The following RGS7 variants were observed in gnomAD, a reference collection of about 807,000 sequenced individuals.
The protein encoded by RGS7 is regulator of G-protein signaling 7.
In RGS7, 27 loss-of-function variants were observed where a neutral mutation model predicts 81.1. The observed-to-expected ratio is 0.33, with a 90% CI of 0.25 to 0.46. RGS7 has a LOEUF of 0.46. Among genes scored for constraint, RGS7 ranks in the 20% least tolerant of loss-of-function variants. The pLI is 1.00. For synonymous variants in RGS7, 208 were observed against 207.7 expected (o/e 1.00, Z -0.01); for missense variants, 396 against 607.4 (o/e 0.65, Z 3.66).
At chr1:241,125,957 G>C (rs1188192725) in intron 2 of RGS7, among the ~76,000 whole-genome samples, 1 of 152,162 alleles carries the variant, frequency 6.6e-6, no homozygotes, top group Non-Finnish European at 1.5e-5. Context: ...CAGAGAGATG[G>C]AAGTTAAGTG....
intron 3 of RGS7, among the ~76,000 whole-genome samples, chr1:241,089,059 CTCTCTATATATATA>C (rs1350145924): frequency 2.3e-4 from 10 of 44,018 alleles, no homozygotes; most frequent in South Asian, 1.5e-3. Flanking sequence ...CTCTCTCTCT[CTCTCTATATATATA>C]TATATATATA....
At chr1:241,088,223 C>T (rs2063595060) in intron 3 of RGS7, among the ~76,000 whole-genome samples, 1 of 151,716 alleles carries the variant, frequency 6.6e-6, no homozygotes, top group South Asian at 2.1e-4. Context: ...GGAAAAGTCA[C>T]CTCTATAACT....
At chr1:241,356,614 A>G (rs2148767453) in intron 1 of RGS7, among the ~76,000 whole-genome samples, 1 of 152,228 alleles carries the variant, frequency 6.6e-6, no homozygotes, top group East Asian at 1.9e-4. Flanking sequence ...AGAGGAGAAA[A>G]CAGGCAAGCC....
intron 2 of RGS7, among the ~76,000 whole-genome samples, chr1:241,210,937 A>G (rs2074208311): frequency 1.3e-5 from 2 of 152,188 alleles, no homozygotes; most frequent in African/African-American, 2.4e-5. Flanking sequence ...TGGTAACCAA[A>G]CTAAATGTCC....
At chr1:241,244,388 C>T (rs1057080936) in intron 2 of RGS7, among the ~76,000 whole-genome samples, 1 of 152,122 alleles carries the variant, frequency 6.6e-6, no homozygotes, top group African/African-American at 2.4e-5. Flanking sequence ...CAGAGAAATG[C>T]AAATCAAAAC....
chr1:241,196,790 G>T (rs2073108304), intron 2 of RGS7, among the ~76,000 whole-genome samples: 1 of 151,920 alleles, frequency 6.6e-6, no homozygotes. Flanking sequence ...ATGGGTAAAT[G>T]AGGCTAAAGT....
intron 2 of RGS7, among the ~76,000 whole-genome samples, chr1:241,245,747 C>T (rs551155926): frequency 1.1e-4 from 17 of 151,804 alleles, no homozygotes; most frequent in African/African-American, 2.9e-4. Flanking sequence ...GCAGAGGTTG[C>T]GGTAAGCTGA....
At chr1:240,802,769 A>C (rs1688230570) in intron 16 of RGS7, 135 bp downstream of exon 16, 6 of 711,832 alleles carry the variant, frequency 8.4e-6, no homozygotes, top group East Asian at 7.5e-5. Context: ...TATAAAATGC[A>C]AAGGTTTGGG....
intron 3 of RGS7, among the ~76,000 whole-genome samples, chr1:241,048,968 G>C (rs901201959): frequency 6.6e-6 from 1 of 152,120 alleles, no homozygotes; most frequent in Admixed American, 6.5e-5. Flanking sequence ...TTGCAGCTGC[G>C]GCACTTCAGT....
At chr1:240,893,491 A>ATT (rs1668578867) in intron 6 of RGS7, among the ~76,000 whole-genome samples, 1 of 152,142 alleles carries the variant, frequency 6.6e-6, no homozygotes, top group African/African-American at 2.4e-5. Context: ...AAAAACAAAT[A>ATT]TTTAACCACA....
In RGS7 at chr1:241,270,942, A is replaced by T. The variant is rs145931323; in HGVS notation, c.78+84757T>A. ...CCCGCTAATTTTTTGTATTTTTAGT[A>T]GAGATGGGGTTTCACCGTGTTAGCC... On this transcript the variant is annotated intron_variant, in intron 2 of 18. Coordinates refer to ENST00000440928, the MANE Select transcript of RGS7 (RefSeq NM_001364886.1). Among the ~76,000 whole-genome samples, 329 of 152,012 alleles carry T rather than the reference A, an allele frequency of 2.2e-3. 3 individuals carry two copies. Among genetic ancestry groups the T allele is most frequent in the African/African-American group, 7.3e-3 (302 of 41,430 alleles).
Position 240,868,019 on chromosome 1 carries a change from GAAAGAAAAGA to G in RGS7, c.609+558_609+567del, listed in dbSNP as rs576605283. Among the ~76,000 whole-genome samples the G allele has an allele frequency of 1.6e-5, 2 of 124,346 alleles. No individual in the cohort carries two copies. Among genetic ancestry groups the G allele is most frequent in the South Asian group, 5.3e-4 (2 of 3,794 alleles). 81.6% of individuals were successfully genotyped at this position (124,346 alleles called of 152,430 possible). ...CCATAAAAAAAGAGAGAGAGAGAAAGAAAGAAAAGAAAAGAAGAGAAAAGAAAGAAAGAAA... is the reference window on the plus strand; with the variant it reads ...CCATAAAAAAAGAGAGAGAGAGAAAGAAAGAAGAGAAAAGAAAGAAAGAAA... On this transcript the variant is annotated intron_variant, in intron 9 of 18. Transcript: ENST00000440928. This position sits in a 1 kb window ranked among gnomAD's most constrained non-coding sequence, Gnocchi z 5.1.
At chr1:241,146,063 A>G (rs2068289635) in intron 2 of RGS7, among the ~76,000 whole-genome samples, 1 of 152,182 alleles carries the variant, frequency 6.6e-6, no homozygotes, top group African/African-American at 2.4e-5. Flanking sequence ...ACCACAGCTC[A>G]GCTCTGTGGA....
At chr1:240,789,841 C>G (rs1387219386) in intron 18 of RGS7, among the ~76,000 whole-genome samples, 1 of 152,116 alleles carries the variant, frequency 6.6e-6, no homozygotes, top group East Asian at 1.9e-4. Context: ...ATCTTATTAC[C>G]TTGTGAAGCA....
Position 240,843,973 on chromosome 1 carries a change from A to G in RGS7, c.610-16801T>C, listed in dbSNP as rs543514575. Among the ~76,000 whole-genome samples, 302 of 152,294 alleles carry G rather than the reference A, an allele frequency of 2.0e-3. 2 individuals carry two copies. The highest frequency in any genetic ancestry group is 7.0e-3 in the African/African-American group (293 of 41,566). ...ATGCTGGTCCCGTCAGGGTTCTGGC[A>G]GACTGAGCCCATGTTGTTAGCTCAG... On this transcript the variant is annotated intron_variant, in intron 9 of 18. Transcript: ENST00000440928.
At chr1:240,972,711 CA>C (rs367714545) in intron 4 of RGS7, among the ~76,000 whole-genome samples, 59,902 of 112,950 alleles carry the variant, frequency 0.53, 12,886 homozygotes, top group South Asian at 0.66. Flanking sequence ...AAAAAAAAAA[CA>C]AAAAAAAAAA....
intron 2 of RGS7, among the ~76,000 whole-genome samples, chr1:241,139,102 T>G (rs1572857832): frequency 6.6e-6 from 1 of 152,258 alleles, no homozygotes; most frequent in Admixed American, 6.5e-5. Context: ...TTTTTTAGGT[T>G]CATCTATGTT....
chr1:241,139,226 C>T (rs1207380547), intron 2 of RGS7, among the ~76,000 whole-genome samples: 1 of 150,512 alleles, frequency 6.6e-6, no homozygotes, highest in Admixed American at 6.6e-5. Flanking sequence ...CTTCCTTCCT[C>T]TCTCCCTCCC....
intron 6 of RGS7, among the ~76,000 whole-genome samples, chr1:240,872,744 C>T (rs1056868543): frequency 6.6e-6 from 1 of 152,136 alleles, no homozygotes; most frequent in Non-Finnish European, 1.5e-5. Flanking sequence ...TTTCCCAATT[C>T]ATTGAAGACT....
Sources: allele counts gnomAD v4.1 joint callset (sites outside exome capture counted in the v4.1 genomes callset), GRCh38; gene constraint gnomAD v4.1.1; non-coding constraint Gnocchi (gnomAD v3.1); transcripts MANE v1.5; gene names NCBI Gene and HGNC (gene_info 2026-07-23, HGNC 2026-07-21).